CATSPERE: variants seen among roughly 807,000 people sequenced by gnomAD.
CATSPERE encodes the protein cation channel sperm-associated auxiliary subunit epsilon.
In CATSPERE, 93 loss-of-function variants were observed where a neutral mutation model predicts 114.1. That is an observed-to-expected ratio of 0.81 (90% CI 0.69 to 0.97). The LOEUF (loss-of-function observed/expected upper bound fraction) is 0.97. Ranked by LOEUF, CATSPERE falls within the 50% of genes least tolerant of loss-of-function variation. CATSPERE has a pLI of 0.00. For synonymous variants in CATSPERE, 341 were observed against 384.1 expected, an observed-to-expected ratio of 0.89 and a Z score of 1.31; for missense variants, 1,058 against 1,131.6, an observed-to-expected ratio of 0.93 and a Z score of 0.93.
intron 2 of CATSPERE, among the ~76,000 whole-genome samples, chr1:244,476,742 A>T (rs1669415089): frequency 6.6e-6 from 1 of 152,234 alleles, no homozygotes. Context: ...CAATGTTAGA[A>T]AGTGAATTGG....
At chr1:244,477,292 G>T (rs937939038) in intron 2 of CATSPERE, among the ~76,000 whole-genome samples, 1 of 152,158 alleles carries the variant, frequency 6.6e-6, no homozygotes, top group Non-Finnish European at 1.5e-5. Flanking sequence ...CACTGCACCC[G>T]GCCAATGGAT....
rs1303142167 is a variant in CATSPERE, at chr1:244,469,828, C to T, written c.114+5872C>T. Among the ~76,000 whole-genome samples, 5 of 152,048 alleles carry T rather than the reference C, an allele frequency of 3.3e-5. No homozygotes were observed. In the East Asian group the frequency reaches 9.6e-4, roughly 29 times the overall value. Reference sequence around the variant, plus strand: ...GAATACTAAGCTTACTACAAAGCTGCAGTAATTGAGACACTTTGGTACTGA... The same window carrying T: ...GAATACTAAGCTTACTACAAAGCTGTAGTAATTGAGACACTTTGGTACTGA... On this transcript the variant is annotated intron_variant, in intron 2 of 21. Coordinates refer to ENST00000366534, the MANE Select transcript of CATSPERE (RefSeq NM_001130957.2).
At chr1:244,553,465 C>T (rs372952564) in intron 9 of CATSPERE, among the ~76,000 whole-genome samples, 18 of 151,032 alleles carry the variant, frequency 1.2e-4, no homozygotes, top group Admixed American at 2.6e-4. Context: ...GTGGGTGTCT[C>T]AGCTACTCGG....
Position 244,485,704 on chromosome 1 carries a change from T to G in CATSPERE, c.327-4743T>G, listed in dbSNP as rs1308086981. Reference sequence around the variant, plus strand: ...CATGTCTAAATTTTGTTTTTTTTGTTTTTTTTTTTTTGAGATAGGATCTTG... The same window carrying G: ...CATGTCTAAATTTTGTTTTTTTTGTGTTTTTTTTTTTGAGATAGGATCTTG... On this transcript the variant is annotated intron_variant, in intron 5 of 21. Coordinates refer to ENST00000366534, the MANE Select transcript of CATSPERE (RefSeq NM_001130957.2). Among the ~76,000 whole-genome samples, 11 of 99,084 alleles carry G rather than the reference T, an allele frequency of 1.1e-4. No individual in the cohort carries two copies. The East Asian group carries it at 1.2e-3, about 11-fold the overall frequency. The allele number at this position is 99,084 out of a possible 152,430, so 65.0% of individuals were successfully genotyped here.
In CATSPERE at chr1:244,525,825, T is replaced by C. The variant is rs537281926; in HGVS notation, c.536+7127T>C. Among the ~76,000 whole-genome samples the C allele has an allele frequency of 3.9e-5, 6 of 152,366 alleles. No individual in the cohort carries two copies. The South Asian group carries it at 8.3e-4, about 21-fold the overall frequency. ...AATGAAGACACCAAACATATACTTA[T>C]TAGTTTTGGTTTAACTGTAAGTAAC... is the stretch of plus-strand genomic sequence containing the variant. On this transcript the variant is annotated intron_variant, in intron 8 of 21. Coordinates refer to ENST00000366534, the MANE Select transcript of CATSPERE (RefSeq NM_001130957.2).
chr1:244,572,658 C>T lies in CATSPERE; in HGVS notation c.1836C>T (p.Val612=). ...CTCTGACAGTTTGGACTCAGATCGT[C>T]TATCCAGAAAACACTGGTCTGTATG... ...GEALTVWTQI[V]YPENTGLYVI... Residue 612 remains valine (V), a synonymous_variant, in exon 11 of 22, where the codon GTC becomes GTT. Coordinates refer to ENST00000366534, the MANE Select transcript of CATSPERE (RefSeq NM_001130957.2). 1 of 1,614,006 alleles carries T rather than the reference C, an allele frequency of 6.2e-7. No individual in the cohort carries two copies. The highest frequency in any genetic ancestry group is 8.5e-7 in the Non-Finnish European group (1 of 1,179,894).
chr1:244,617,467 A>G (rs1671541275), intron 19 of CATSPERE, 62 bp from the exon 20 acceptor site: 11 of 1,275,492 alleles, frequency 8.6e-6, no homozygotes, highest in Non-Finnish European at 9.4e-6. Context: ...AAATGAGACT[A>G]TAATTTTGCG....
upstream of CATSPERE, chr1:244,451,890 G>A (rs1665630512): frequency 2.9e-6 from 4 of 1,388,928 alleles, no homozygotes; most frequent in South Asian, 3.0e-5. The surrounding 1 kb of genome is among the most constrained non-coding windows in gnomAD (Gnocchi z 6.6). Context: ...CTGCTCTGCG[G>A]CCGCCAGCCA....
At chr1:244,462,066 C>T (rs1405692920) in intron 1 of CATSPERE, among the ~76,000 whole-genome samples, 1 of 152,140 alleles carries the variant, frequency 6.6e-6, no homozygotes, top group African/African-American at 2.4e-5. Flanking sequence ...ATCCTCCTGC[C>T]GGGGCCTCCC....
chr1:244,490,997 G>C (rs1310211842), intron 6 of CATSPERE, among the ~76,000 whole-genome samples: 3 of 152,006 alleles, frequency 2.0e-5, no homozygotes, highest in African/African-American at 4.8e-5. Context: ...ATTTTTAAAA[G>C]TATGAAGGGG....
chr1:244,475,826 C>T (rs562958750), intron 2 of CATSPERE, among the ~76,000 whole-genome samples: 3 of 152,242 alleles, frequency 2.0e-5, no homozygotes, highest in African/African-American at 7.2e-5. Flanking sequence ...TGAGCCACCA[C>T]ACCCGGCCAT....
intron 10 of CATSPERE, among the ~76,000 whole-genome samples, chr1:244,565,505 A>G (rs1663307549): frequency 6.6e-6 from 1 of 151,934 alleles, no homozygotes; most frequent in Non-Finnish European, 1.5e-5. Context: ...CAATTTATCC[A>G]TTTCTTCTAG....
chr1:244,502,433 T>C (rs1314107325), intron 7 of CATSPERE, among the ~76,000 whole-genome samples: 2 of 152,196 alleles, frequency 1.3e-5, no homozygotes, highest in East Asian at 1.9e-4. Context: ...AATTAGAGCA[T>C]TAAGTTCGTT....
chr1:244,565,758 A>C (rs1227075906), intron 10 of CATSPERE, among the ~76,000 whole-genome samples: 1 of 151,898 alleles, frequency 6.6e-6, no homozygotes, highest in Non-Finnish European at 1.5e-5. Flanking sequence ...ATAGATTTCA[A>C]GATTCATAGA....
chr1:244,640,092 A>G lies in CATSPERE; in HGVS notation c.*11A>G, dbSNP rs1262009534. On this transcript the variant is annotated 3_prime_UTR_variant, in exon 22 of 22. Transcript: ENST00000366534. ...CGTAAGAAGAATTAGGAAAACTGAA[A>G]GTTTGTTTATTACAGATATATGCAT... 21 of 1,540,148 alleles carry G rather than the reference A, an allele frequency of 1.4e-5. No homozygotes were observed. The highest frequency in any genetic ancestry group is 1.8e-5 in the Non-Finnish European group (21 of 1,138,008).
At chr1:244,488,032 T>C (rs1212329186) in intron 5 of CATSPERE, among the ~76,000 whole-genome samples, 1 of 152,196 alleles carries the variant, frequency 6.6e-6, no homozygotes, top group African/African-American at 2.4e-5. Flanking sequence ...AATTATCATG[T>C]TAACATCCAA....
intron 8 of CATSPERE, among the ~76,000 whole-genome samples, chr1:244,528,587 A>G (rs1679045660): frequency 1.3e-5 from 2 of 152,194 alleles, no homozygotes; most frequent in Non-Finnish European, 2.9e-5. Context: ...TATAATAATC[A>G]TATCAGGGTA....
At chr1:244,490,384 G>C (rs929832320) in intron 5 of CATSPERE, 63 bp from the exon 6 acceptor site, 5 of 1,081,758 alleles carry the variant, frequency 4.6e-6, no homozygotes, top group South Asian at 4.1e-5. Context: ...CTTGAAAGTA[G>C]AATATTCGAC....
intron 3 of CATSPERE, 73 bp from the exon 4 acceptor site, chr1:244,477,832 TA>T (rs1669610498): frequency 2.3e-6 from 3 of 1,279,962 alleles, no homozygotes; most frequent in Admixed American, 2.2e-5. Flanking sequence ...TTTTTAGGCT[TA>T]AAAAATAGTA....
Sources: allele counts gnomAD v4.1 joint callset (sites outside exome capture counted in the v4.1 genomes callset), GRCh38; gene constraint gnomAD v4.1.1; non-coding constraint Gnocchi (gnomAD v3.1); transcripts MANE v1.5; gene names NCBI Gene and HGNC (gene_info 2026-07-23, HGNC 2026-07-21).